ADRA1B: variants seen among roughly 807,000 people sequenced by gnomAD.
ADRA1B encodes adrenoceptor alpha 1B.
Under a neutral mutation model 17.9 loss-of-function variants are expected in ADRA1B, and 17 were observed. That is an observed-to-expected ratio of 0.95 (90% CI 0.65 to 1.42). The LOEUF (loss-of-function observed/expected upper bound fraction) is 1.42, where lower values mean the gene tolerates loss of function less well. Among genes scored for constraint, ADRA1B ranks in the 40% most tolerant of loss-of-function variants. ADRA1B has a pLI of 0.00. For synonymous variants in ADRA1B, 366 were observed against 327.6 expected (o/e 1.12, Z -1.27); for missense variants, 681 against 722.1 (o/e 0.94, Z 0.65).
chr5:159,972,486 GT>G lies in ADRA1B; in HGVS notation c.1561del (p.Ter521ArgfsTer70). 8.0e-7 allele frequency: 1 copy of G among 1,256,960 alleles called. No homozygotes were observed. The highest frequency in any genetic ancestry group is 1.7e-5 in the African/African-American group (1 of 58,620). The allele number at this position is 1,256,960 out of a possible 1,614,324, so 77.9% of individuals were successfully genotyped here. A position where few individuals can be genotyped will look rare whatever the true frequency, so the allele number is the denominator to read the frequency against. ...KSNMPLAPGQ[F>X] Reference sequence around the variant, plus strand: ...GCAACATGCCCCTGGCGCCCGGGCAGTTTTAGGGCCCCCGTGCGCAGCTTTC... The same window carrying G: ...GCAACATGCCCCTGGCGCCCGGGCAGTTTAGGGCCCCCGTGCGCAGCTTTC... On this transcript the variant is annotated frameshift_variant, in exon 2 of 2. Transcript: ENST00000306675. LOFTEE classifies it high-confidence loss of function.
rs1755436806 is a variant in ADRA1B, at chr5:159,951,433, A to T, written c.950-20446A>T. ...CAATATCCACTTTACTAGAGTTAAA[A>T]GCTGCCCTGGTGAGCAGGTGCCCAA... On this transcript the variant is annotated intron_variant, in intron 1 of 1. Coordinates refer to ENST00000306675, the MANE Select transcript of ADRA1B (RefSeq NM_000679.4). 12 of 763,426 alleles carry T rather than the reference A, an allele frequency of 1.6e-5. No homozygotes were observed. The South Asian group carries it at 1.6e-4, about 10-fold the overall frequency. 47.3% of individuals were successfully genotyped at this position (763,426 alleles called of 1,614,324 possible).
intron 1 of ADRA1B, among the ~76,000 whole-genome samples, chr5:159,964,204 C>A (rs1272229935): frequency 6.6e-6 from 1 of 152,168 alleles, no homozygotes; most frequent in Non-Finnish European, 1.5e-5. Context: ...AGGGCCTGGG[C>A]TCTCCAGAGA....
the ADRA1B span, among the ~76,000 whole-genome samples, chr5:159,980,309 C>T: frequency 0.056 from 8,456 of 152,108 alleles, 321 homozygotes; most frequent in Non-Finnish European, 0.079. Context: ...AATCTCCACC[C>T]GAAAGAGGAG....
rs1269950640 is a variant in ADRA1B, at chr5:159,972,740, C to G, written c.*248C>G. Among the ~76,000 whole-genome samples, 1 of 152,188 alleles carries G rather than the reference C, an allele frequency of 6.6e-6. No homozygotes were observed. The highest frequency in any genetic ancestry group is 6.5e-5 in the Admixed American group (1 of 15,288). On this transcript the variant is annotated 3_prime_UTR_variant, in exon 2 of 2. Transcript: ENST00000306675. ...CGACGCCGCCGGGATTTACCTCTCT[C>G]TCTCCCTCTGTGTATATATAAACGA...
intron 1 of ADRA1B, among the ~76,000 whole-genome samples, chr5:159,897,683 G>A (rs10476318): frequency 6.6e-6 from 1 of 152,126 alleles, no homozygotes; most frequent in Non-Finnish European, 1.5e-5. Flanking sequence ...CTTTAAAAGA[G>A]CCCAGGCCTG....
chr5:159,939,276 AGAGTGTGTGTGT>A (rs1449898479), intron 1 of ADRA1B, among the ~76,000 whole-genome samples: 9 of 71,914 alleles, frequency 1.3e-4, no homozygotes, highest in Non-Finnish European at 2.1e-4. Flanking sequence ...AGAGAGAGAG[AGAGTGTGTGTGT>A]GTGTGTGTGT....
At chr5:159,922,306 G>A (rs1754507181) in intron 1 of ADRA1B, among the ~76,000 whole-genome samples, 1 of 152,206 alleles carries the variant, frequency 6.6e-6, no homozygotes, top group Admixed American at 6.5e-5. Flanking sequence ...CTGAAGCTCA[G>A]AGAGGTAAAA....
At chr5:159,938,446 C>A (rs1201822600) in intron 1 of ADRA1B, among the ~76,000 whole-genome samples, 1 of 152,208 alleles carries the variant, frequency 6.6e-6, no homozygotes, top group Non-Finnish European at 1.5e-5. Flanking sequence ...CCTTTCTCCA[C>A]CCCACATATC....
intron 1 of ADRA1B, among the ~76,000 whole-genome samples, chr5:159,898,436 G>A (rs2113114983): frequency 6.6e-6 from 1 of 152,226 alleles, no homozygotes; most frequent in African/African-American, 2.4e-5. Flanking sequence ...CTGAAACTCT[G>A]ATAAACATAT....
At chr5:159,912,488 C>T (rs1437535280), upstream of ADRA1B, among the ~76,000 whole-genome samples, 1 of 152,200 alleles carries the variant, frequency 6.6e-6, no homozygotes, top group Non-Finnish European at 1.5e-5. Context: ...TCCCAGACAG[C>T]TCTCCCTTTC....
chr5:159,891,808 T>C (rs139076138), intron 1 of ADRA1B, among the ~76,000 whole-genome samples: 1 of 152,110 alleles, frequency 6.6e-6, no homozygotes, highest in Admixed American at 6.5e-5. Flanking sequence ...GACTGCTCAA[T>C]CTAGGCCCTG....
chr5:159,911,170 G>T (rs1282950209), intron 1 of ADRA1B, among the ~76,000 whole-genome samples: 2 of 152,120 alleles, frequency 1.3e-5, no homozygotes, highest in Non-Finnish European at 2.9e-5. Context: ...AATTCTGGAG[G>T]CACCATAGAT....
In ADRA1B at chr5:159,973,008, C is replaced by G. The variant is rs1393098827; in HGVS notation, c.*516C>G. Among the ~76,000 whole-genome samples, 1 of 152,256 alleles carries G rather than the reference C, an allele frequency of 6.6e-6. No individual in the cohort carries two copies. The highest frequency in any genetic ancestry group is 1.5e-5 in the Non-Finnish European group (1 of 68,050). ...AAGTCGACATTAAAGGTCATTTCTC[C>G]TGTTCGGCTTTGAGTGGTTTGTGGA... is the stretch of plus-strand genomic sequence containing the variant. On this transcript the variant is annotated 3_prime_UTR_variant, in exon 2 of 2. Transcript: ENST00000306675.
the ADRA1B span, among the ~76,000 whole-genome samples, chr5:159,982,628 A>C: frequency 6.6e-6 from 1 of 151,724 alleles, no homozygotes; most frequent in Admixed American, 6.6e-5. Flanking sequence ...TGTTCTGTGC[A>C]CCCCCAGCCT....
Position 159,972,180 on chromosome 5 carries a change from C to G in ADRA1B, c.1251C>G (p.Ser417Arg). The change falls in exon 2 of 2, where the codon AGC (serine) becomes AGG (arginine). Residue 417 changes from serine (S) to arginine (R), a missense_variant. Physicochemically the swap from Ser to Arg is moderately radical, Grantham distance 110. Coordinates refer to ENST00000306675, the MANE Select transcript of ADRA1B (RefSeq NM_000679.4). ...LDDSGSCLSG[S>R]QRTLPSASPS... ...ACAGCGGCAGCTGCCTGAGCGGCAG[C>G]CAGCGGACCCTGCCCTCGGCCTCGC... 2.2e-6 allele frequency: 3 copies of G among 1,363,288 alleles called. No individual in the cohort carries two copies. Among genetic ancestry groups the G allele is most frequent in the Non-Finnish European group, 2.9e-6 (3 of 1,051,534 alleles). The allele number at this position is 1,363,288 out of a possible 1,614,324, so 84.4% of individuals were successfully genotyped here. A position where few individuals can be genotyped will look rare whatever the true frequency, so the allele number is the denominator to read the frequency against.
intron 1 of ADRA1B, among the ~76,000 whole-genome samples, chr5:159,909,556 G>GAAGGAA (rs1651611275): frequency 6.6e-6 from 1 of 152,240 alleles, no homozygotes; most frequent in Non-Finnish European, 1.5e-5. Flanking sequence ...TTTGTGTCAT[G>GAAGGAA]TATTTATTTC....
the ADRA1B span, among the ~76,000 whole-genome samples, chr5:159,984,635 C>T: frequency 2.0e-5 from 3 of 152,018 alleles, no homozygotes; most frequent in South Asian, 2.1e-4. Flanking sequence ...TGGTAGCTCA[C>T]GCCTGTAATC....
intron 1 of ADRA1B, among the ~76,000 whole-genome samples, chr5:159,962,733 C>T (rs544963778): frequency 3.5e-5 from 5 of 142,710 alleles, no homozygotes; most frequent in East Asian, 2.1e-4. Context: ...TGCAGTGATG[C>T]GATCATAGCT....
chr5:159,952,593 C>A (rs934241311), intron 1 of ADRA1B, among the ~76,000 whole-genome samples: 2 of 152,150 alleles, frequency 1.3e-5, no homozygotes, highest in African/African-American at 2.4e-5. Context: ...TAAATTACTT[C>A]TCTTATAAGT....
Sources: allele counts gnomAD v4.1 joint callset (sites outside exome capture counted in the v4.1 genomes callset), GRCh38; gene constraint gnomAD v4.1.1; transcripts MANE v1.5; gene names NCBI Gene and HGNC (gene_info 2026-07-23, HGNC 2026-07-21).